The following DTWD2 variants were observed in gnomAD, a reference collection of about 807,000 sequenced individuals.
The protein encoded by DTWD2 is DTW motif tRNA-uridine aminocarboxypropyltransferase 2, also known as tRNA-uridine aminocarboxypropyltransferase 2.
DTWD2 carries 39 observed loss-of-function variants against 31.8 expected under a neutral mutation model. That is an observed-to-expected ratio of 1.22 (90% CI 0.95 to 1.60). The LOEUF (loss-of-function observed/expected upper bound fraction) is 1.60. DTWD2 is among the 40% of genes most tolerant of loss of function. The pLI, the probability that DTWD2 is intolerant of heterozygous loss-of-function variation, is 0.00. For missense variants in DTWD2, 515 were observed against 381.5 expected (o/e 1.35, Z -2.92); for synonymous variants, 180 against 142.8 (o/e 1.26, Z -1.86).
chr5:118,960,380 C>G (rs902822871), intron 1 of DTWD2, among the ~76,000 whole-genome samples: 1 of 152,082 alleles, frequency 6.6e-6, no homozygotes, highest in African/African-American at 2.4e-5. Flanking sequence ...AATGACATAC[C>G]AGCTCACACC....
intron 4 of DTWD2, among the ~76,000 whole-genome samples, chr5:118,872,957 G>A (rs945967859): frequency 6.6e-6 from 1 of 152,204 alleles, no homozygotes; most frequent in Admixed American, 6.5e-5. Flanking sequence ...GGAAGACACA[G>A]AAGCTGGGCA....
At chr5:118,932,397 G>C (rs1487462300) in intron 3 of DTWD2, among the ~76,000 whole-genome samples, 1 of 149,482 alleles carries the variant, frequency 6.7e-6, no homozygotes, top group Non-Finnish European at 1.5e-5. Context: ...AGAAAAGAAA[G>C]AGTAAAACCT....
At chr5:118,919,394 G>T (rs1194152170) in intron 4 of DTWD2, among the ~76,000 whole-genome samples, 1 of 152,194 alleles carries the variant, frequency 6.6e-6, no homozygotes, top group African/African-American at 2.4e-5. Context: ...AAATGACTCA[G>T]GTTTTATTAC....
At chr5:118,976,309 C>G (rs1406109769) in intron 1 of DTWD2, among the ~76,000 whole-genome samples, 3 of 152,028 alleles carry the variant, frequency 2.0e-5, no homozygotes, top group South Asian at 2.1e-4. Context: ...AATTCAAAAG[C>G]TAGCAACAGA....
At chr5:118,855,805 C>T (rs1027990511) in intron 4 of DTWD2, among the ~76,000 whole-genome samples, 15 of 152,012 alleles carry the variant, frequency 9.9e-5, no homozygotes, top group African/African-American at 3.6e-4. Flanking sequence ...TTTAGAAATG[C>T]ATAATATAAA....
chr5:118,890,405 C>T (rs952287801), intron 4 of DTWD2, among the ~76,000 whole-genome samples: 1 of 151,886 alleles, frequency 6.6e-6, no homozygotes, highest in African/African-American at 2.4e-5. Context: ...CCTTTGAAAA[C>T]AAGTGGACTT....
intron 4 of DTWD2, among the ~76,000 whole-genome samples, chr5:118,891,857 T>A (rs1200159354): frequency 6.6e-6 from 1 of 152,166 alleles, no homozygotes; most frequent in Non-Finnish European, 1.5e-5. Flanking sequence ...TGCCTTTCGG[T>A]CTCTTAGCCT....
intron 4 of DTWD2, among the ~76,000 whole-genome samples, chr5:118,922,298 G>A (rs1221816140): frequency 2.0e-5 from 3 of 152,090 alleles, no homozygotes; most frequent in African/African-American, 4.8e-5. Flanking sequence ...TTAGGAGGGC[G>A]AAAAAACTAT....
intron 4 of DTWD2, among the ~76,000 whole-genome samples, chr5:118,867,631 G>C (rs945768892): frequency 4.6e-5 from 7 of 152,214 alleles, no homozygotes; most frequent in Non-Finnish European, 1.0e-4. Context: ...GTTAAATCAG[G>C]TTGTCGGACT....
intron 1 of DTWD2, among the ~76,000 whole-genome samples, chr5:118,978,059 A>C (rs1223256892): frequency 6.6e-6 from 1 of 152,106 alleles, no homozygotes; most frequent in African/African-American, 2.4e-5. Context: ...CACACCTACA[A>C]CCATCTGATC....
At chr5:118,919,050 G>C in intron 4 of DTWD2, among the ~76,000 whole-genome samples, 1 of 152,204 alleles carries the variant, frequency 6.6e-6, no homozygotes, top group Non-Finnish European at 1.5e-5. Context: ...AGCTGCAAGA[G>C]AGACTGGATA....
chr5:118,906,930 A>C lies in DTWD2; in HGVS notation c.597+21607T>G, dbSNP rs1753346929. On this transcript the variant is annotated intron_variant, in intron 4 of 5. Coordinates refer to ENST00000510708, the MANE Select transcript of DTWD2 (RefSeq NM_173666.4). ...TTACATCACATTTTTAGTAGACTTTATGGAAAGAAAAGGTAATTAAACACT... is the reference window on the plus strand; with the variant it reads ...TTACATCACATTTTTAGTAGACTTTCTGGAAAGAAAAGGTAATTAAACACT... Among the ~76,000 whole-genome samples, 3 of 152,222 alleles carry C rather than the reference A, an allele frequency of 2.0e-5. No homozygotes were observed. The South Asian group carries it at 6.2e-4, about 32-fold the overall frequency.
chr5:118,895,710 C>G lies in DTWD2; in HGVS notation c.597+32827G>C, dbSNP rs902074966. Among the ~76,000 whole-genome samples, 4 of 152,140 alleles carry G rather than the reference C, an allele frequency of 2.6e-5. No homozygotes were observed. In the East Asian group the frequency reaches 5.8e-4, roughly 22 times the overall value. On this transcript the variant is annotated intron_variant, in intron 4 of 5. Transcript: ENST00000510708. ...CAGTACCCAGAAATAAGTCCACACA[C>G]TTACTTACAGACAACTCCTTTTCAA...
At chr5:118,857,801 T>C (rs149951561) in intron 4 of DTWD2, among the ~76,000 whole-genome samples, 35 of 152,282 alleles carry the variant, frequency 2.3e-4, no homozygotes, top group Admixed American at 3.9e-4. Flanking sequence ...TCACACAGTA[T>C]TGAGTGAAGT....
chr5:118,967,452 G>T (rs575729896), intron 1 of DTWD2, among the ~76,000 whole-genome samples: 1 of 152,266 alleles, frequency 6.6e-6, no homozygotes, highest in African/African-American at 2.4e-5. Flanking sequence ...TGAAAAAGTG[G>T]TTGATTCTAG....
chr5:118,853,098 T>C (rs1253580122), intron 4 of DTWD2, among the ~76,000 whole-genome samples: 2 of 152,172 alleles, frequency 1.3e-5, no homozygotes, highest in African/African-American at 4.8e-5. Context: ...GCTAAAAAAC[T>C]ACCTATCAGG....
chr5:118,939,108 A>T, intron 3 of DTWD2, 88 bp downstream of exon 3: 1 of 1,297,234 alleles, frequency 7.7e-7, no homozygotes, highest in South Asian at 1.7e-5. Context: ...TAGACCATGA[A>T]TAAGCTGAAA....
chr5:118,910,256 C>T (rs1753427432), intron 4 of DTWD2, among the ~76,000 whole-genome samples: 1 of 152,206 alleles, frequency 6.6e-6, no homozygotes, highest in Non-Finnish European at 1.5e-5. Context: ...TCATGCCTCA[C>T]CCTCAACACT....
At position 118,988,275 on chromosome 5, in the gene DTWD2, C is replaced by T; in HGVS notation, c.218+19G>A. 6.6e-7 allele frequency: 1 copy of T among 1,525,864 alleles called. No individual in the cohort carries two copies. The allele number at this position is 1,525,864 out of a possible 1,614,324, so 94.5% of individuals were successfully genotyped here. ...AGGCCGCTGCCGGCTGCAGTCCCCG[C>T]CCCCAGCCCCGCGGTCACCTGCAGC... On this transcript the variant is annotated intron_variant, in intron 1 of 5. Transcript: ENST00000510708.
Sources: allele counts gnomAD v4.1 joint callset (sites outside exome capture counted in the v4.1 genomes callset), GRCh38; gene constraint gnomAD v4.1.1; transcripts MANE v1.5; gene names NCBI Gene and HGNC (gene_info 2026-07-23, HGNC 2026-07-21).